KLHL42: variants seen among roughly 807,000 people sequenced by gnomAD.
The protein encoded by KLHL42 is kelch like family member 42.
KLHL42 carries 27 observed loss-of-function variants against 32.7 expected under a neutral mutation model. That is an observed-to-expected ratio of 0.83 (90% CI 0.61 to 1.14). The LOEUF (loss-of-function observed/expected upper bound fraction) is 1.14, where lower values mean the gene tolerates loss of function less well. KLHL42 is among the 50% of genes most tolerant of loss of function. The pLI, the probability that KLHL42 is intolerant of heterozygous loss-of-function variation, is 0.00. For synonymous variants in KLHL42, 267 were observed against 248.2 expected, an observed-to-expected ratio of 1.08 and a Z score of -0.71; for missense variants, 491 against 560.8, an observed-to-expected ratio of 0.88 and a Z score of 1.26.
chr12:27,797,803 G>T lies in KLHL42; in HGVS notation c.1155G>T (p.Gln385His), dbSNP rs1174681631. Reference sequence around the variant, plus strand: ...GTGACGTCCACATTCGCAAGCAGCAGATGGTGTCTGTGGAAGAGACCATCT... The same window carrying T: ...GTGACGTCCACATTCGCAAGCAGCATATGGTGTCTGTGGAAGAGACCATCT... ...ETCDVHIRKQ[Q>H]MVSVEETIYI... Residue 385 changes from glutamine to histidine, a missense_variant, in exon 3 of 3, where the codon CAG becomes CAT. Gln to His is a conservative substitution (Grantham distance 24, BLOSUM62 0). This residue lies in a region of KLHL42 where 152 missense variants were observed against 125.9 expected (regional missense o/e 1.21). Coordinates refer to ENST00000381271, the MANE Select transcript of KLHL42 (RefSeq NM_020782.2). 1.3e-6 allele frequency: 1 copy of T among 770,324 alleles called. No individual in the cohort carries two copies. The highest frequency in any genetic ancestry group is 2.4e-6 in the Non-Finnish European group (1 of 410,540). The allele number at this position is 770,324 out of a possible 1,614,324, so 47.7% of individuals were successfully genotyped here. A position where few individuals can be genotyped will look rare whatever the true frequency, so the allele number is the denominator to read the frequency against.
At position 27,799,890 on chromosome 12, in the gene KLHL42, GC is replaced by G. The variant is rs1408727618; in HGVS notation, c.*1727del. On this transcript the variant is annotated 3_prime_UTR_variant, in exon 3 of 3. Transcript: ENST00000381271. ...AACTTTGTAAGGGTTTCTAAGCTAT[GC>G]CCATTTATTCCCAAATATTAAGCCC... The G allele has an allele frequency of 2.0e-5, 14 of 713,064 alleles. No homozygotes were observed. Among genetic ancestry groups the G allele is most frequent in the Admixed American group, 6.3e-5 (1 of 15,868 alleles). 44.2% of individuals were successfully genotyped at this position (713,064 alleles called of 1,614,324 possible).
intron 2 of KLHL42, among the ~76,000 whole-genome samples, chr12:27,792,905 A>G (rs2062203583): frequency 6.6e-6 from 1 of 152,162 alleles, no homozygotes; most frequent in South Asian, 2.1e-4. Flanking sequence ...TGGAAATTAA[A>G]AAAATTTCTC....
rs1285046037 is a variant in KLHL42, at chr12:27,791,831, T to C, written c.996T>C (p.Asn332=). The C allele has an allele frequency of 6.2e-7, 1 of 1,614,116 alleles. No homozygotes were observed. The highest frequency in any genetic ancestry group is 1.7e-5 in the Admixed American group (1 of 60,010). The change falls in exon 2 of 3, where the codon AAT becomes AAC. Residue 332 remains asparagine (N), a synonymous_variant. Transcript: ENST00000381271. The part of the protein sequence containing the change: ...DAWNFVAPLP[N]PLAEFSACEC... ...GGAATTTTGTGGCGCCCTTACCCAA[T>C]CCTCTGGCTGAGTTCTCTGCCTGTG...
chr12:27,786,505 A>G (rs2062172476), intron 1 of KLHL42, among the ~76,000 whole-genome samples: 1 of 152,206 alleles, frequency 6.6e-6, no homozygotes, highest in South Asian at 2.1e-4. Context: ...GCACTGGAAG[A>G]AATTTGGAAC....
intron 2 of KLHL42, among the ~76,000 whole-genome samples, chr12:27,795,028 G>A (rs371903388): frequency 2.6e-5 from 4 of 152,180 alleles, no homozygotes; most frequent in African/African-American, 9.6e-5. Context: ...CTGAACTCCT[G>A]TGTTTATGTA....
rs562658058 is a variant in KLHL42 at position 27,802,395 on chromosome 12, C to T, written c.*4229C>T. ...ATAAAAAGTATTAATAAAGAAATTT[C>T]CATTCCACACTAGTACTGATGAAAA... On this transcript the variant is annotated 3_prime_UTR_variant, in exon 3 of 3. Transcript: ENST00000381271. 2.1e-4 allele frequency: 32 copies of T among 152,404 alleles called. No homozygotes were observed. Among genetic ancestry groups the T allele is most frequent in the African/African-American group, 7.7e-4 (32 of 41,540 alleles). The allele number at this position is 152,404 out of a possible 1,614,324, so 9.4% of individuals were successfully genotyped here.
rs762267669 is a variant in KLHL42 at position 27,781,015 on chromosome 12, T to C, written c.685T>C (p.Trp229Arg). 6.2e-7 allele frequency: 1 copy of C among 1,611,398 alleles called. No individual in the cohort carries two copies. Among genetic ancestry groups the C allele is most frequent in the Non-Finnish European group, 8.5e-7 (1 of 1,178,278 alleles). The change falls in exon 1 of 3, where the codon TGG becomes CGG. Residue 229 changes from tryptophan to arginine, a missense_variant. Physicochemically the swap from Trp to Arg is moderately radical, Grantham distance 101. This residue lies in a region of KLHL42 where 248 missense variants were observed against 329.2 expected (regional missense o/e 0.75). Coordinates refer to ENST00000381271, the MANE Select transcript of KLHL42 (RefSeq NM_020782.2). ...CAGGTACGAGGAGATGACTGAGCGT[T>C]GGTTCCCGCTGGCCAACAACCTTCC... ...MLRYEEMTERWFPLANNLPPD... is the reference protein window; with the variant it reads ...MLRYEEMTERRFPLANNLPPD...
chr12:27,800,312 C>T lies in KLHL42; in HGVS notation c.*2146C>T. 1 of 984,104 alleles carries T rather than the reference C, an allele frequency of 1.0e-6. No homozygotes were observed. Among genetic ancestry groups the T allele is most frequent in the Non-Finnish European group, 1.2e-6 (1 of 829,798 alleles). The allele number at this position is 984,104 out of a possible 1,614,324, so 61.0% of individuals were successfully genotyped here. ...AGGGTGTACTCTGATCCACAAAGCT[C>T]TTTTATAAACCAGGTTTGAGGTTGT... is the stretch of plus-strand genomic sequence containing the variant. On this transcript the variant is annotated 3_prime_UTR_variant, in exon 3 of 3. Transcript: ENST00000381271.
Position 27,797,698 on chromosome 12 carries a change from G to T in KLHL42, c.1067-17G>T, listed in dbSNP as rs1370288842. ...GTTAGTGGAGGCGGTGTCATCACTT[G>T]TCTTTCTTTCTTTCAGACCGGAACA... is the stretch of plus-strand genomic sequence containing the variant. On this transcript the variant is annotated splice_polypyrimidine_tract_variant and intron_variant, in intron 2 of 2. Transcript: ENST00000381271. 4.4e-6 allele frequency: 3 copies of T among 680,154 alleles called. No homozygotes were observed. Among genetic ancestry groups the T allele is most frequent in the Non-Finnish European group, 8.0e-6 (3 of 374,154 alleles). The allele number at this position is 680,154 out of a possible 1,614,324, so 42.1% of individuals were successfully genotyped here. A position where few individuals can be genotyped will look rare whatever the true frequency, so the allele number is the denominator to read the frequency against.
At position 27,791,801 on chromosome 12, in the gene KLHL42, T is replaced by C. The variant is rs775690894; in HGVS notation, c.966T>C (p.Asp322=). The C allele has an allele frequency of 2.0e-5, 32 of 1,614,168 alleles. No homozygotes were observed. Among genetic ancestry groups the C allele is most frequent in the Non-Finnish European group, 2.6e-5 (31 of 1,180,002 alleles). ...TTGAGTGTTACAACCCCGAGCAGGA[T>C]GCGTGGAATTTTGTGGCGCCCTTAC... ...SNVECYNPEQ[D]AWNFVAPLPN... Residue 322 remains aspartate (D), a synonymous_variant, in exon 2 of 3, where the codon GAT becomes GAC. Coordinates refer to ENST00000381271, the MANE Select transcript of KLHL42 (RefSeq NM_020782.2).
At chr12:27,793,070 C>G (rs756940191) in intron 2 of KLHL42, among the ~76,000 whole-genome samples, 4 of 152,080 alleles carry the variant, frequency 2.6e-5, no homozygotes, top group African/African-American at 4.8e-5. Context: ...TTTTATACTG[C>G]TCTTTTTGGT....
chr12:27,780,285 G>A lies in KLHL42; in HGVS notation c.-46G>A, dbSNP rs201606578. The A allele has an allele frequency of 3.6e-4, 538 of 1,494,706 alleles. 6 individuals carry two copies. The East Asian group carries it at 0.015, about 43-fold the overall frequency. The allele number at this position is 1,494,706 out of a possible 1,614,324, so 92.6% of individuals were successfully genotyped here. ...CGCGCGCGTAGGGGCTGGGAGGCCGGCGCGCAGATCTGGCGGTGAGCGCTG... is the reference window on the plus strand; with the variant it reads ...CGCGCGCGTAGGGGCTGGGAGGCCGACGCGCAGATCTGGCGGTGAGCGCTG... On this transcript the variant is annotated 5_prime_UTR_variant, in exon 1 of 3. Coordinates refer to ENST00000381271, the MANE Select transcript of KLHL42 (RefSeq NM_020782.2). The surrounding 1 kb of genome is among the most constrained non-coding windows in gnomAD (Gnocchi z 8.8).
chr12:27,784,454 T>C (rs1298690835), intron 1 of KLHL42, among the ~76,000 whole-genome samples: 1 of 152,014 alleles, frequency 6.6e-6, no homozygotes, highest in Non-Finnish European at 1.5e-5. Context: ...ATGCATGTTT[T>C]AAATTTTGTT....
At chr12:27,783,012 C>T (rs1281983707) in intron 1 of KLHL42, among the ~76,000 whole-genome samples, 2 of 151,994 alleles carry the variant, frequency 1.3e-5, no homozygotes, top group Non-Finnish European at 2.9e-5. Flanking sequence ...CCAGGGACAC[C>T]AAACCCTGCA....
chr12:27,795,075 G>A (rs899078216), intron 2 of KLHL42, among the ~76,000 whole-genome samples: 2 of 152,150 alleles, frequency 1.3e-5, no homozygotes, highest in Admixed American at 1.3e-4. Flanking sequence ...GTATATGTGT[G>A]TGTCTTTTCT....
At chr12:27,792,165 G>A (rs956555035) in intron 2 of KLHL42, 14 of 247,494 alleles carry the variant, frequency 5.7e-5, no homozygotes, top group Admixed American at 2.6e-4. Flanking sequence ...CTTTTTTTTT[G>A]CTTCTGGAAA....
intron 1 of KLHL42, among the ~76,000 whole-genome samples, chr12:27,786,778 AG>A (rs1464881201): frequency 1.5e-5 from 2 of 132,950 alleles, no homozygotes; most frequent in East Asian, 4.8e-4. Context: ...GCTGGAGTGC[AG>A]TGGCCCAATC....
chr12:27,798,220 G>A lies in KLHL42; in HGVS notation c.*54G>A, dbSNP rs200218136. On this transcript the variant is annotated 3_prime_UTR_variant, in exon 3 of 3. Transcript: ENST00000381271. ...CTGGTTCAAGTTTTTTTTAAAATGT[G>A]GTGTCCCATTCCAAGGGAGACCAAT... 3.1e-5 allele frequency: 22 copies of A among 711,310 alleles called. 1 individual carries two copies. Among genetic ancestry groups the A allele is most frequent in the Non-Finnish European group, 5.5e-5 (22 of 398,114 alleles). 44.1% of individuals were successfully genotyped at this position (711,310 alleles called of 1,614,324 possible). A position where few individuals can be genotyped will look rare whatever the true frequency, so the allele number is the denominator to read the frequency against.
At position 27,799,487 on chromosome 12, in the gene KLHL42, A is replaced by C. The variant is rs1003316768; in HGVS notation, c.*1321A>C. The C allele has an allele frequency of 3.3e-5, 5 of 152,230 alleles. No individual in the cohort carries two copies. Among genetic ancestry groups the C allele is most frequent in the African/African-American group, 1.2e-4 (5 of 41,452 alleles). The allele number at this position is 152,230 out of a possible 1,614,324, so 9.4% of individuals were successfully genotyped here. On this transcript the variant is annotated 3_prime_UTR_variant, in exon 3 of 3. Transcript: ENST00000381271. ...TGTGAGCTGGATTCCATCTTTCTGC[A>C]GTAACAGCGGGCAGAACCATTTCAG... is the stretch of plus-strand genomic sequence containing the variant.
Sources: gnomAD v4.1 joint callset for allele counts (sites outside exome capture counted in the v4.1 genomes callset) on GRCh38, gnomAD v4.1.1 for gene constraint, gnomAD v4.1.1 regional missense constraint, Gnocchi (gnomAD v3.1) non-coding constraint, MANE v1.5 for transcripts, NCBI Gene and HGNC (gene_info 2026-07-23, HGNC 2026-07-21) for gene names.